The following MACROD2 variants were observed in gnomAD, a reference collection of about 807,000 sequenced individuals.
The protein encoded by MACROD2 is ADP-ribose glycohydrolase MACROD2.
In MACROD2, 36 loss-of-function variants were observed where a neutral mutation model predicts 70.4. The ratio of observed to expected loss-of-function variants is 0.51; its 90% CI spans 0.39 to 0.68. The LOEUF (loss-of-function observed/expected upper bound fraction) is 0.68, where lower values mean the gene tolerates loss of function less well. Among genes scored for constraint, MACROD2 ranks in the 30% least tolerant of loss-of-function variants. The pLI is 0.00. For missense variants in MACROD2, 496 were observed against 538.4 expected (o/e 0.92, Z 0.78); for synonymous variants, 172 against 178.8 (o/e 0.96, Z 0.30).
At chr20:14,227,293 C>T (rs2081747736) in intron 3 of MACROD2, among the ~76,000 whole-genome samples, 1 of 152,148 alleles carries the variant, frequency 6.6e-6, no homozygotes, top group Non-Finnish European at 1.5e-5. Flanking sequence ...GCAGTGGCAA[C>T]AGGCTCGGGT....
At chr20:15,248,926 T>C (rs1161957915) in intron 6 of MACROD2, among the ~76,000 whole-genome samples, 1 of 152,170 alleles carries the variant, frequency 6.6e-6, no homozygotes, top group African/African-American at 2.4e-5. Flanking sequence ...AAGGAATTTA[T>C]TGGGTAGTTC....
chr20:14,147,862 C>G (rs916981286), intron 3 of MACROD2, among the ~76,000 whole-genome samples: 7 of 151,934 alleles, frequency 4.6e-5, no homozygotes, highest in African/African-American at 1.7e-4. Context: ...ATGCTGATCT[C>G]ACTCTTTTTT....
chr20:14,624,282 C>T (rs1309205409), intron 4 of MACROD2, among the ~76,000 whole-genome samples: 1 of 152,198 alleles, frequency 6.6e-6, no homozygotes, highest in East Asian at 1.9e-4. Flanking sequence ...GGAAACACAA[C>T]ATCTGACAAG....
intron 5 of MACROD2, among the ~76,000 whole-genome samples, chr20:15,057,161 A>C (rs2075493245): frequency 6.6e-6 from 1 of 152,210 alleles, no homozygotes; most frequent in Non-Finnish European, 1.5e-5. Context: ...ACGATAAATT[A>C]CATAGCCATG....
intron 5 of MACROD2, among the ~76,000 whole-genome samples, chr20:14,795,006 G>A (rs554570899): frequency 1.9e-4 from 29 of 152,164 alleles, no homozygotes; most frequent in African/African-American, 7.0e-4. Flanking sequence ...GTGAAATACA[G>A]AGGAAATAGG....
chr20:14,300,104 G>A (rs1483939113), intron 3 of MACROD2, among the ~76,000 whole-genome samples: 1 of 152,156 alleles, frequency 6.6e-6, no homozygotes, highest in Non-Finnish European at 1.5e-5. Context: ...GCTACTGATA[G>A]TTTGAGTGAG....
chr20:14,620,482 T>C (rs1983764555), intron 4 of MACROD2, among the ~76,000 whole-genome samples: 1 of 152,078 alleles, frequency 6.6e-6, no homozygotes, highest in South Asian at 2.1e-4. Flanking sequence ...TTTCCAAAAG[T>C]TAAAAAAAAA....
intron 8 of MACROD2, among the ~76,000 whole-genome samples, chr20:15,592,349 C>T (rs1331210047): frequency 6.6e-6 from 1 of 152,182 alleles, no homozygotes; most frequent in African/African-American, 2.4e-5. Flanking sequence ...CATCTGTTGT[C>T]TATTTCAGAT....
At chr20:14,519,666 A>G (rs1302585918) in intron 4 of MACROD2, among the ~76,000 whole-genome samples, 2 of 152,198 alleles carry the variant, frequency 1.3e-5, no homozygotes, top group Non-Finnish European at 2.9e-5. Context: ...GCGATTCCTC[A>G]AAGAGCTAAA....
chr20:14,244,089 G>A (rs1466888744), intron 3 of MACROD2, among the ~76,000 whole-genome samples: 1 of 152,152 alleles, frequency 6.6e-6, no homozygotes, highest in Non-Finnish European at 1.5e-5. Flanking sequence ...CTTTCTAAGT[G>A]CATTTTAGGT....
At chr20:14,245,362 CAA>C (rs11477339) in intron 3 of MACROD2, among the ~76,000 whole-genome samples, 5,566 of 129,866 alleles carry the variant, frequency 0.043, 205 homozygotes, top group African/African-American at 0.11. Flanking sequence ...GACTTCGTCT[CAA>C]AAAAAAAAAA....
chr20:14,913,070 T>C (rs1158758584), intron 5 of MACROD2, among the ~76,000 whole-genome samples: 1 of 152,164 alleles, frequency 6.6e-6, no homozygotes, highest in East Asian at 1.9e-4. Flanking sequence ...TGTGTGTGTG[T>C]GCACATGCGT....
At chr20:15,097,615 A>T (rs891746157) in intron 5 of MACROD2, among the ~76,000 whole-genome samples, 2 of 152,222 alleles carry the variant, frequency 1.3e-5, no homozygotes, top group Non-Finnish European at 2.9e-5. Context: ...GAGAAATAGG[A>T]TTGAGTTGAT....
intron 8 of MACROD2, among the ~76,000 whole-genome samples, chr20:15,697,739 TG>T (rs1416682018): frequency 6.6e-6 from 1 of 152,196 alleles, no homozygotes; most frequent in Non-Finnish European, 1.5e-5. Flanking sequence ...GGAGCTCCAG[TG>T]TCAGGTGCAT....
rs192975940 is a variant in MACROD2, at chr20:14,522,796, A to G, written c.301+29288A>G. On this transcript the variant is annotated intron_variant, in intron 4 of 17. Coordinates refer to ENST00000684519, the MANE Select transcript of MACROD2 (RefSeq NM_001351661.2). ...CCATCCTCATAGATCTAGTCTCAAC[A>G]TGAAGCATTAGAATGTAAACTCCCA... Among the ~76,000 whole-genome samples, 234 of 152,336 alleles carry G rather than the reference A, an allele frequency of 1.5e-3. 1 individual carries two copies. The highest frequency in any genetic ancestry group is 0.014 in the Middle Eastern group (4 of 294).
intron 6 of MACROD2, among the ~76,000 whole-genome samples, chr20:15,374,103 A>G (rs1365275689): frequency 1.3e-5 from 2 of 152,084 alleles, no homozygotes; most frequent in Non-Finnish European, 2.9e-5. Flanking sequence ...TTTGAAACTC[A>G]TGGAAGACTC....
At chr20:15,853,694 A>G (rs1420931837) in intron 8 of MACROD2, among the ~76,000 whole-genome samples, 4 of 152,126 alleles carry the variant, frequency 2.6e-5, no homozygotes, top group Non-Finnish European at 5.9e-5. Flanking sequence ...CCACCAATGA[A>G]AAGGAGTTTA....
intron 15 of MACROD2, among the ~76,000 whole-genome samples, chr20:16,034,827 TA>T (rs1223890102): frequency 1.3e-5 from 2 of 151,314 alleles, no homozygotes; most frequent in Non-Finnish European, 2.9e-5. Flanking sequence ...CTCTTCCCCC[TA>T]AGTCCCCAAA....
At chr20:15,842,065 C>T (rs1305178641) in intron 8 of MACROD2, among the ~76,000 whole-genome samples, 2 of 152,094 alleles carry the variant, frequency 1.3e-5, no homozygotes, top group South Asian at 2.1e-4. Context: ...GAGAAGAGTC[C>T]ATGAGGTGAG....
Sources: allele counts gnomAD v4.1 joint callset (sites outside exome capture counted in the v4.1 genomes callset), GRCh38; gene constraint gnomAD v4.1.1; transcripts MANE v1.5; gene names NCBI Gene and HGNC (gene_info 2026-07-23, HGNC 2026-07-21).